Variants in MEGF10 observed in about 807,000 individuals in gnomAD.
MEGF10 encodes multiple epidermal growth factor-like domains protein 10.
In MEGF10, 86 loss-of-function variants were observed where a neutral mutation model predicts 147.5. The ratio of observed to expected loss-of-function variants is 0.58; its 90% confidence interval spans 0.49 to 0.70. MEGF10 has a LOEUF of 0.70. Among genes scored for constraint, MEGF10 ranks in the 30% least tolerant of loss-of-function variants. The pLI is 0.00. For synonymous variants in MEGF10, 478 were observed against 525.5 expected (o/e 0.91, Z 1.24); for missense variants, 1,329 against 1,487.3 (o/e 0.89, Z 1.75).
At chr5:127,335,214 G>A (rs1459658361) in intron 2 of MEGF10, among the ~76,000 whole-genome samples, 1 of 152,130 alleles carries the variant, frequency 6.6e-6, no homozygotes, top group Admixed American at 6.6e-5. Flanking sequence ...AGCTTTAAAT[G>A]TTCTATAGTG....
chr5:127,325,979 C>T (rs1402593152), intron 1 of MEGF10, among the ~76,000 whole-genome samples: 1 of 149,762 alleles, frequency 6.7e-6, no homozygotes, highest in Non-Finnish European at 1.5e-5. Flanking sequence ...TCACAGCTCA[C>T]TGTAGCCTTG....
chr5:127,335,684 A>C (rs183404260), intron 2 of MEGF10, among the ~76,000 whole-genome samples: 2 of 152,134 alleles, frequency 1.3e-5, no homozygotes, highest in Non-Finnish European at 2.9e-5. Context: ...TACTCAAGTT[A>C]AAAAAGAATG....
chr5:127,313,870 A>T (rs559114261), intron 1 of MEGF10, among the ~76,000 whole-genome samples: 1 of 152,356 alleles, frequency 6.6e-6, no homozygotes, highest in South Asian at 2.1e-4. Flanking sequence ...TTTAAATAAG[A>T]TTCAGAATAA....
the MEGF10 span, among the ~76,000 whole-genome samples, chr5:127,255,023 T>C: frequency 6.6e-6 from 1 of 151,230 alleles, no homozygotes; most frequent in Non-Finnish European, 1.5e-5. Flanking sequence ...TTTGTATGGA[T>C]AATTTGGTGG....
chr5:127,454,419 G>T, intron 22 of MEGF10, 147 bp from the exon 23 acceptor site: 7 of 592,608 alleles, frequency 1.2e-5, no homozygotes, highest in Non-Finnish European at 2.0e-5. Flanking sequence ...GGACATCTGG[G>T]ACAACTGATC....
At chr5:127,450,827 C>T (rs898040675) in intron 22 of MEGF10, among the ~76,000 whole-genome samples, 5 of 152,038 alleles carry the variant, frequency 3.3e-5, no homozygotes, top group African/African-American at 9.7e-5. Flanking sequence ...GGCGCGATCT[C>T]GGCTCACTGC....
intron 4 of MEGF10, among the ~76,000 whole-genome samples, chr5:127,359,248 G>A (rs1382278497): frequency 1.3e-5 from 2 of 151,870 alleles, no homozygotes. Context: ...AAATTGAATA[G>A]TATGTACATA....
At chr5:127,313,784 A>G (rs1379426719) in intron 1 of MEGF10, among the ~76,000 whole-genome samples, 2 of 152,204 alleles carry the variant, frequency 1.3e-5, no homozygotes, top group African/African-American at 4.8e-5. Context: ...GAACTCCCAG[A>G]TACATTGGGG....
Position 127,398,584 on chromosome 5 carries a change from G to A in MEGF10, c.660-92G>A, listed in dbSNP as rs1764011539. 5 of 1,419,440 alleles carry A rather than the reference G, an allele frequency of 3.5e-6. No homozygotes were observed. In the South Asian group the frequency reaches 3.7e-5, roughly 10 times the overall value. 87.9% of individuals were successfully genotyped at this position (1,419,440 alleles called of 1,614,324 possible). On this transcript the variant is annotated intron_variant, in intron 6 of 24. Coordinates refer to ENST00000503335, the MANE Select transcript of MEGF10 (RefSeq NM_001256545.2). ...AATGAACAATTATTGAACACAGAAA[G>A]CTTGTCTATTTTGGGGACCCTGGGT...
chr5:127,404,287 T>C (rs1176630532), intron 8 of MEGF10, among the ~76,000 whole-genome samples: 1 of 152,142 alleles, frequency 6.6e-6, no homozygotes, highest in Admixed American at 6.5e-5. Context: ...TCTATTCAAA[T>C]CTTTTGCCTA....
At chr5:127,437,815 G>A (rs1159396263) in intron 16 of MEGF10, among the ~76,000 whole-genome samples, 1 of 152,152 alleles carries the variant, frequency 6.6e-6, no homozygotes, top group Non-Finnish European at 1.5e-5. Flanking sequence ...AGACTGAAGG[G>A]TACAGGATTT....
rs1389976660 is a variant in MEGF10, at chr5:127,422,545, T to A, written c.1591-125T>A. On this transcript the variant is annotated intron_variant, in intron 12 of 24. Transcript: ENST00000503335. ...AAAGAAAAAAATAAATAAAGATACA[T>A]CCCTGTAAGAAGCGTTTGGGACAGC... The A allele has an allele frequency of 4.5e-6, 3 of 673,876 alleles. No homozygotes were observed. In the East Asian group the frequency reaches 8.3e-5, roughly 19 times the overall value. 41.7% of individuals were successfully genotyped at this position (673,876 alleles called of 1,614,324 possible). A position where few individuals can be genotyped will look rare whatever the true frequency, so the allele number is the denominator to read the frequency against.
intron 22 of MEGF10, among the ~76,000 whole-genome samples, chr5:127,450,917 C>G (rs1165217244): frequency 6.6e-6 from 1 of 152,076 alleles, no homozygotes; most frequent in African/African-American, 2.4e-5. Flanking sequence ...CACCACCATG[C>G]CTGGCTGATT....
the MEGF10 span, among the ~76,000 whole-genome samples, chr5:127,234,293 T>G: frequency 6.6e-6 from 1 of 152,246 alleles, no homozygotes; most frequent in Non-Finnish European, 1.5e-5. Context: ...ATCCTTTGAC[T>G]TTCACTTGTA....
At chr5:127,318,253 A>G (rs1365012414) in intron 1 of MEGF10, among the ~76,000 whole-genome samples, 2 of 152,090 alleles carry the variant, frequency 1.3e-5, no homozygotes, top group African/African-American at 4.8e-5. Flanking sequence ...AACTGTGAGA[A>G]ATAAATTTCT....
chr5:127,377,128 T>C (rs1167057530), intron 5 of MEGF10, among the ~76,000 whole-genome samples: 1 of 152,246 alleles, frequency 6.6e-6, no homozygotes, highest in Admixed American at 6.5e-5. Flanking sequence ...AGATTCTATT[T>C]ATGATCCTTT....
chr5:127,279,089 G>T, the MEGF10 span, among the ~76,000 whole-genome samples: 1 of 152,110 alleles, frequency 6.6e-6, no homozygotes, highest in Non-Finnish European at 1.5e-5. Flanking sequence ...CAGCAAGAGA[G>T]GAGCAAATGA....
intron 4 of MEGF10, among the ~76,000 whole-genome samples, chr5:127,354,300 GCAGATA>G (rs1195070323): frequency 6.6e-6 from 1 of 152,204 alleles, no homozygotes; most frequent in African/African-American, 2.4e-5. Context: ...CTTCCAGGAG[GCAGATA>G]TGCTACACAG....
At chr5:127,319,374 C>A (rs1760705005) in intron 1 of MEGF10, among the ~76,000 whole-genome samples, 1 of 152,144 alleles carries the variant, frequency 6.6e-6, no homozygotes. Context: ...CTGTGCCTGG[C>A]CTTGCTTTTC....
Sources: gnomAD v4.1 joint callset for allele counts (sites outside exome capture counted in the v4.1 genomes callset) on GRCh38, gnomAD v4.1.1 for gene constraint, MANE v1.5 for transcripts, NCBI Gene and HGNC (gene_info 2026-07-23, HGNC 2026-07-21) for gene names.